Variants in MBD3L1 observed in about 807,000 individuals in gnomAD.
The protein encoded by MBD3L1 is methyl-CpG-binding domain protein 3-like 1.
For synonymous variants in MBD3L1, 84 were observed against 85.1 expected, an observed-to-expected ratio of 0.99 and a Z score of 0.07; for missense variants, 203 against 230.1, an observed-to-expected ratio of 0.88 and a Z score of 0.76.
In MBD3L1 at chr19:8,842,982, G is replaced by A; in HGVS notation, c.304G>A (p.Gly102Ser). 1 of 1,614,238 alleles carries A rather than the reference G, an allele frequency of 6.2e-7. No individual in the cohort carries two copies. The highest frequency in any genetic ancestry group is 8.5e-7 in the Non-Finnish European group (1 of 1,180,042). The change falls in exon 3 of 3, where the codon GGT (glycine) becomes AGT (serine). Residue 102 changes from glycine to serine, a missense_variant. Gly to Ser is a moderately conservative substitution (Grantham distance 56, BLOSUM62 0). Transcript: ENST00000595891. ...TLQKLVPSYT[G>S]GSLLEDLASG... ...GCAAAAACTTGTCCCTAGTTACACA[G>A]GTGGATCTCTGCTGGAGGATCTTGC...
chr19:8,840,428 C>T lies in MBD3L1; in HGVS notation c.-106-487C>T, dbSNP rs573439917. 2.6e-5 allele frequency among the ~76,000 whole-genome samples: 4 copies of T among 152,208 alleles called. No individual in the cohort carries two copies. In the East Asian group the frequency reaches 7.7e-4, roughly 29 times the overall value. On this transcript the variant is annotated intron_variant, in intron 1 of 2. Coordinates refer to ENST00000595891, the MANE Select transcript of MBD3L1 (RefSeq NM_001393532.1). ...GCTATCCTCTTCACTCGGCCTCCCTCACTCAGCTGGGACCTCAGACATGTA... is the reference window on the plus strand; with the variant it reads ...GCTATCCTCTTCACTCGGCCTCCCTTACTCAGCTGGGACCTCAGACATGTA...
chr19:8,836,221 C>T (rs2044453704), intron 1 of MBD3L1, among the ~76,000 whole-genome samples: 1 of 151,964 alleles, frequency 6.6e-6, no homozygotes, highest in African/African-American at 2.4e-5. Flanking sequence ...TTCAGTTAGG[C>T]ATAATAAGAG....
At chr19:8,836,844 C>T (rs1298668933) in intron 1 of MBD3L1, among the ~76,000 whole-genome samples, 1 of 152,122 alleles carries the variant, frequency 6.6e-6, no homozygotes, top group East Asian at 1.9e-4. Context: ...GCAAAACAAA[C>T]TGGGGATAAA....
rs539569403 is a variant in MBD3L1, at chr19:8,837,206, A to G, written c.-106-3709A>G. Among the ~76,000 whole-genome samples the G allele has an allele frequency of 3.3e-5, 5 of 152,338 alleles. No homozygotes were observed. In the East Asian group the frequency reaches 9.6e-4, roughly 29 times the overall value. On this transcript the variant is annotated intron_variant, in intron 1 of 2. Coordinates refer to ENST00000595891, the MANE Select transcript of MBD3L1 (RefSeq NM_001393532.1). ...TATACCCAAAGCTGTACGAATGTGC[A>G]TATTTATCAACCCAGCAATTTTACA... is the stretch of plus-strand genomic sequence containing the variant.
At position 8,843,073 on chromosome 19, in the gene MBD3L1, T is replaced by A. The variant is rs367887883; in HGVS notation, c.395T>A (p.Ile132Asn). The A allele has an allele frequency of 6.2e-7, 1 of 1,614,064 alleles. No homozygotes were observed. Among genetic ancestry groups the A allele is most frequent in the Admixed American group, 1.7e-5 (1 of 59,982 alleles). ...LACSSDAVEI[I>N]PAEGVGISQL... ...TGCTCTTCAGATGCGGTGGAGATAA[T>A]TCCTGCAGAGGGAGTGGGTATCTCG... The change falls in exon 3 of 3, where the codon ATT becomes AAT. Residue 132 changes from isoleucine to asparagine, a missense_variant. By Grantham distance (149) the Ile-to-Asn change is moderately radical. Transcript: ENST00000595891.
At position 8,842,645 on chromosome 19, in the gene MBD3L1, T is replaced by A; in HGVS notation, c.-21-13T>A. ...TGATCAATTTGACCCCATTTCATGA[T>A]TTATTTTAATAGTGTAAGAGGAAAA... is the stretch of plus-strand genomic sequence containing the variant. On this transcript the variant is annotated splice_polypyrimidine_tract_variant and intron_variant, in intron 2 of 2. Transcript: ENST00000595891. 7 of 1,567,720 alleles carry A rather than the reference T, an allele frequency of 4.5e-6. No individual in the cohort carries two copies. The highest frequency in any genetic ancestry group is 6.1e-6 in the Non-Finnish European group (7 of 1,146,140).
At chr19:8,840,108 C>T (rs1397173814) in intron 1 of MBD3L1, among the ~76,000 whole-genome samples, 2 of 150,136 alleles carry the variant, frequency 1.3e-5, no homozygotes, top group African/African-American at 2.5e-5. Context: ...TGCTTGAACC[C>T]GGGCAGTGGA....
At chr19:8,841,379 A>G (rs8100230) in intron 2 of MBD3L1, among the ~76,000 whole-genome samples, 55,364 of 151,740 alleles carry the variant, frequency 0.36, 10,384 homozygotes, top group African/African-American at 0.42. Context: ...CAAGAGTGCT[A>G]GGAATCAGAG....
At chr19:8,838,905 G>C (rs2044482031) in intron 1 of MBD3L1, among the ~76,000 whole-genome samples, 1 of 152,172 alleles carries the variant, frequency 6.6e-6, no homozygotes, top group Admixed American at 6.5e-5. Flanking sequence ...ACTATGTGCA[G>C]ACCGAGGTCT....
chr19:8,837,191 G>A (rs961401178), intron 1 of MBD3L1, among the ~76,000 whole-genome samples: 1 of 152,180 alleles, frequency 6.6e-6, no homozygotes, highest in Non-Finnish European at 1.5e-5. Context: ...TATACCCAAA[G>A]CTGTACGAAT....
rs1599314172 is a variant in MBD3L1, at chr19:8,842,968, T to A, written c.290T>A (p.Val97Asp). 1 of 1,614,232 alleles carries A rather than the reference T, an allele frequency of 6.2e-7. No homozygotes were observed. Among genetic ancestry groups the A allele is most frequent in the African/African-American group, 1.3e-5 (1 of 75,070 alleles). The change falls in exon 3 of 3, where the codon GTC (valine) becomes GAC (aspartate). Residue 97 changes from valine to aspartate, a missense_variant. Physicochemically the swap from Val to Asp is radical, Grantham distance 152. Transcript: ENST00000595891. ...CTTGCCAATACCTTGCAAAAACTTG[T>A]CCCTAGTTACACAGGTGGATCTCTG... is the stretch of plus-strand genomic sequence containing the variant. ...LDLANTLQKL[V>D]PSYTGGSLLE...
intron 1 of MBD3L1, among the ~76,000 whole-genome samples, chr19:8,840,598 C>A (rs529927374): frequency 2.0e-4 from 30 of 152,228 alleles, no homozygotes; most frequent in Admixed American, 2.0e-3. Flanking sequence ...AGCCACCATG[C>A]CTGGCAGGAA....
chr19:8,839,755 T>A (rs543720821), intron 1 of MBD3L1, among the ~76,000 whole-genome samples: 2 of 152,042 alleles, frequency 1.3e-5, no homozygotes, highest in South Asian at 4.2e-4. Context: ...GTAGATGATC[T>A]TTTCTCAGTG....
At position 8,841,857 on chromosome 19, in the gene MBD3L1, A is replaced by G. The variant is rs144314718; in HGVS notation, c.-21-801A>G. On this transcript the variant is annotated intron_variant, in intron 2 of 2. Transcript: ENST00000595891. ...CAGATGTAAGCCACTGTGCTGGGTCAGAATTATTTATTTTTGAGCATGGCT... is the reference window on the plus strand; with the variant it reads ...CAGATGTAAGCCACTGTGCTGGGTCGGAATTATTTATTTTTGAGCATGGCT... 3.9e-3 allele frequency among the ~76,000 whole-genome samples: 597 copies of G among 152,220 alleles called. 21 individuals are homozygous for G. Among genetic ancestry groups the G allele is most frequent in the Admixed American group, 0.033 (511 of 15,276 alleles).
At chr19:8,838,957 C>A (rs1332035317) in intron 1 of MBD3L1, among the ~76,000 whole-genome samples, 1 of 152,080 alleles carries the variant, frequency 6.6e-6, no homozygotes, top group African/African-American at 2.4e-5. Flanking sequence ...TTGCAGTTAG[C>A]CATCTCTCAG....
At chr19:8,835,702 G>A (rs1487498570) in intron 1 of MBD3L1, among the ~76,000 whole-genome samples, 3 of 151,130 alleles carry the variant, frequency 2.0e-5, no homozygotes, top group Non-Finnish European at 4.4e-5. Flanking sequence ...GAAAACATGT[G>A]TTCACATGAC....
At chr19:8,835,324 T>C (rs2145340695) in intron 1 of MBD3L1, among the ~76,000 whole-genome samples, 1 of 152,252 alleles carries the variant, frequency 6.6e-6, no homozygotes, top group Non-Finnish European at 1.5e-5. Flanking sequence ...AGTGCTGGGA[T>C]TACAGGTGTG....
intron 1 of MBD3L1, among the ~76,000 whole-genome samples, chr19:8,834,324 A>T (rs1169822983): frequency 6.6e-6 from 1 of 152,104 alleles, no homozygotes; most frequent in East Asian, 1.9e-4. Context: ...AAAGAATGAA[A>T]TTGGGCTGGG....
At chr19:8,840,839 C>A (rs1194941923) in intron 1 of MBD3L1, 76 bp from the exon 2 acceptor site, 1 of 152,026 alleles carries the variant, frequency 6.6e-6, no homozygotes, top group Admixed American at 6.6e-5. Context: ...ATGATGGATT[C>A]TTCCCAGTTG....
Sources: gnomAD v4.1 joint callset for allele counts (sites outside exome capture counted in the v4.1 genomes callset) on GRCh38, gnomAD v4.1.1 for gene constraint, MANE v1.5 for transcripts, NCBI Gene and HGNC (gene_info 2026-07-23, HGNC 2026-07-21) for gene names.